MYO16: variants seen among roughly 807,000 people sequenced by gnomAD.
The protein encoded by MYO16 is unconventional myosin-XVI.
Under a neutral mutation model 205.3 loss-of-function variants are expected in MYO16, and 94 were observed. The observed-to-expected ratio is 0.46, with a 90% confidence interval of 0.39 to 0.54. The LOEUF is 0.54. Among genes scored for constraint, MYO16 ranks in the 20% least tolerant of loss-of-function variants. The pLI is 0.00. For synonymous variants in MYO16, 988 were observed against 954.0 expected, an observed-to-expected ratio of 1.04 and a Z score of -0.66; for missense variants, 2,315 against 2,387.5, an observed-to-expected ratio of 0.97 and a Z score of 0.63.
In MYO16 at chr13:108,637,182, T is replaced by A. The variant is rs900179294; in HGVS notation, c.28+7310T>A. On this transcript the variant is annotated intron_variant, in intron 1 of 34. Transcript: ENST00000457511. ...ACTTTTATACAGACTTCCAAGAACATCATGGGCTGCTGGTGTACTGATGAC... is the reference window on the plus strand; with the variant it reads ...ACTTTTATACAGACTTCCAAGAACAACATGGGCTGCTGGTGTACTGATGAC... Among the ~76,000 whole-genome samples the A allele has an allele frequency of 6.6e-5, 10 of 152,334 alleles. No homozygotes were observed. The East Asian group carries it at 1.9e-3, about 29-fold the overall frequency.
At chr13:108,818,010 G>T (rs530892222) in intron 7 of MYO16, among the ~76,000 whole-genome samples, 1 of 152,026 alleles carries the variant, frequency 6.6e-6, no homozygotes, top group Non-Finnish European at 1.5e-5. Context: ...AGCCTTTAAG[G>T]TTGCATAGCA....
intron 28 of MYO16, among the ~76,000 whole-genome samples, chr13:109,118,513 C>T (rs1875833713): frequency 6.6e-6 from 1 of 152,152 alleles, no homozygotes; most frequent in African/African-American, 2.4e-5. Context: ...ATGTTAATTC[C>T]CCTAATGATC....
the MYO16 span, among the ~76,000 whole-genome samples, chr13:108,521,080 C>G: frequency 6.6e-6 from 1 of 151,884 alleles, no homozygotes; most frequent in Non-Finnish European, 1.5e-5. Context: ...TCCTTTTATC[C>G]AAAATGTATA....
intron 4 of MYO16, among the ~76,000 whole-genome samples, chr13:108,741,617 A>T (rs1365976702): frequency 6.6e-6 from 1 of 152,246 alleles, no homozygotes; most frequent in Admixed American, 6.5e-5. Flanking sequence ...GTTCAGGCTT[A>T]CAAATTACCA....
chr13:108,683,680 A>G (rs1324198301), intron 2 of MYO16, among the ~76,000 whole-genome samples: 1 of 152,224 alleles, frequency 6.6e-6, no homozygotes, highest in Non-Finnish European at 1.5e-5. Context: ...AAAAAGAATT[A>G]CCTTCTTGTT....
intron 9 of MYO16, 33 bp from the exon 10 acceptor site, chr13:108,844,310 G>T: frequency 6.3e-7 from 1 of 1,579,088 alleles, no homozygotes. Context: ...ATTAGAAAGA[G>T]ACTAATTGTA....
intron 27 of MYO16, chr13:109,065,509 T>C (rs1414040245): frequency 2.2e-5 from 9 of 418,570 alleles, no homozygotes; most frequent in Admixed American, 3.2e-5. Context: ...AAAGAAAGGG[T>C]AATAGGAGGC....
At chr13:108,758,298 T>G (rs551672755) in intron 4 of MYO16, among the ~76,000 whole-genome samples, 1 of 152,332 alleles carries the variant, frequency 6.6e-6, no homozygotes, top group South Asian at 2.1e-4. Flanking sequence ...AATTGTATTT[T>G]TTAAATTTTT....
At chr13:109,057,438 A>G (rs1887448904) in intron 27 of MYO16, among the ~76,000 whole-genome samples, 1 of 152,200 alleles carries the variant, frequency 6.6e-6, no homozygotes, top group Non-Finnish European at 1.5e-5. Context: ...CTCTTAATTT[A>G]TAAGGAATAA....
chr13:108,857,602 C>G (rs1280188087), intron 11 of MYO16, among the ~76,000 whole-genome samples: 1 of 152,168 alleles, frequency 6.6e-6, no homozygotes, highest in East Asian at 1.9e-4. Flanking sequence ...TGTTTATGCA[C>G]TTCTCCTTTA....
chr13:108,873,554 G>A (rs1408428178), intron 12 of MYO16, among the ~76,000 whole-genome samples: 1 of 152,238 alleles, frequency 6.6e-6, no homozygotes, highest in Non-Finnish European at 1.5e-5. Flanking sequence ...CGAGATGCGG[G>A]TCACAGCGGG....
intron 23 of MYO16, among the ~76,000 whole-genome samples, chr13:109,032,058 ACACT>A (rs1256781162): frequency 1.3e-5 from 2 of 152,114 alleles, no homozygotes; most frequent in African/African-American, 2.4e-5. Flanking sequence ...TGCAAAGCTA[ACACT>A]CACTCAGGTG....
intron 28 of MYO16, among the ~76,000 whole-genome samples, 200 bp from the exon 29 acceptor site, chr13:109,120,170 C>A (rs1424104663): frequency 6.6e-6 from 1 of 152,286 alleles, no homozygotes; most frequent in East Asian, 1.9e-4. Flanking sequence ...TTGACACATG[C>A]AGTAAACATA....
At chr13:109,035,909 A>G (rs1187265521) in intron 23 of MYO16, among the ~76,000 whole-genome samples, 1 of 152,182 alleles carries the variant, frequency 6.6e-6, no homozygotes, top group Non-Finnish European at 1.5e-5. Context: ...CCAATAAATA[A>G]TGACTAAAGA....
At chr13:108,710,977 T>C (rs1048924497) in intron 2 of MYO16, among the ~76,000 whole-genome samples, 4 of 152,236 alleles carry the variant, frequency 2.6e-5, no homozygotes, top group African/African-American at 9.6e-5. Flanking sequence ...GGCAAATGTA[T>C]GAAATGAACT....
intron 27 of MYO16, among the ~76,000 whole-genome samples, chr13:109,098,665 C>T (rs1357323148): frequency 1.3e-5 from 2 of 152,132 alleles, no homozygotes; most frequent in Admixed American, 1.3e-4. Flanking sequence ...CGCTGGGATT[C>T]AGAAAGCTGT....
rs373311260 is a variant in MYO16 at position 108,749,267 on chromosome 13, G to A, written c.507+21684G>A. ...GTAATCAATCTCTTGAATTTATTCC[G>A]CCTATCTGGCTAAAGTGTTTTGTCC... is the stretch of plus-strand genomic sequence containing the variant. On this transcript the variant is annotated intron_variant, in intron 4 of 34. Transcript: ENST00000457511. Among the ~76,000 whole-genome samples, 15 of 151,990 alleles carry A rather than the reference G, an allele frequency of 9.9e-5. No homozygotes were observed. The East Asian group carries it at 1.5e-3, about 16-fold the overall frequency.
intron 4 of MYO16, among the ~76,000 whole-genome samples, chr13:108,771,156 T>C (rs1885949592): frequency 6.6e-6 from 1 of 152,124 alleles, no homozygotes; most frequent in African/African-American, 2.4e-5. Context: ...AGAGGATAGT[T>C]CTCACTTTAT....
intron 4 of MYO16, among the ~76,000 whole-genome samples, chr13:108,736,768 T>C (rs61969556): frequency 0.21 from 32,107 of 151,930 alleles, 3,731 homozygotes; most frequent in Middle Eastern, 0.33. Flanking sequence ...ATTCTTCCTA[T>C]CCATGAGCAT....
Sources: allele counts gnomAD v4.1 joint callset (sites outside exome capture counted in the v4.1 genomes callset), GRCh38; gene constraint gnomAD v4.1.1; transcripts MANE v1.5; gene names NCBI Gene and HGNC (gene_info 2026-07-23, HGNC 2026-07-21).